The following EPHB1 variants were observed in gnomAD, a reference collection of about 807,000 sequenced individuals.
EPHB1 encodes EPH receptor B1.
A neutral mutation model predicts 94.4 loss-of-function variants in EPHB1; 30 were observed. The observed-to-expected ratio is 0.32, with a 90% CI of 0.24 to 0.43. The LOEUF (loss-of-function observed/expected upper bound fraction) is 0.43, where lower values mean the gene tolerates loss of function less well. Among genes scored for constraint, EPHB1 ranks in the 20% least tolerant of loss-of-function variants. The pLI, the probability that EPHB1 is intolerant of heterozygous loss-of-function variation, is 1.00. For missense variants in EPHB1, 1,055 were observed against 1,308.3 expected, an observed-to-expected ratio of 0.81 and a Z score of 2.99; for synonymous variants, 522 against 489.1, an observed-to-expected ratio of 1.07 and a Z score of -0.89.
intron 11 of EPHB1, among the ~76,000 whole-genome samples, chr3:135,195,257 G>C (rs979594302): frequency 1.3e-5 from 2 of 152,016 alleles, no homozygotes; most frequent in Non-Finnish European, 1.5e-5. Context: ...CAGGGGAACA[G>C]GGAGATTCAT....
intron 12 of EPHB1, among the ~76,000 whole-genome samples, chr3:135,227,393 TCTC>T (rs1292305815): frequency 1.3e-5 from 2 of 152,200 alleles, no homozygotes; most frequent in African/African-American, 2.4e-5. Context: ...TGTGCTTTCT[TCTC>T]CTCTTTACTG....
At chr3:135,097,784 C>A (rs1387149210) in intron 3 of EPHB1, among the ~76,000 whole-genome samples, 4 of 152,212 alleles carry the variant, frequency 2.6e-5, no homozygotes, top group Non-Finnish European at 5.9e-5. Flanking sequence ...GAACTGGAGA[C>A]TCATTTGGCT....
intron 1 of EPHB1, among the ~76,000 whole-genome samples, chr3:134,906,489 G>A (rs756069595): frequency 3.3e-5 from 5 of 152,120 alleles, no homozygotes; most frequent in African/African-American, 7.2e-5. Flanking sequence ...GTGATCAAAC[G>A]TGAAAAGACA....
intron 3 of EPHB1, among the ~76,000 whole-genome samples, chr3:135,083,344 GC>G: frequency 6.6e-6 from 1 of 152,122 alleles, no homozygotes; most frequent in African/African-American, 2.4e-5. Flanking sequence ...CAAGAGGAAG[GC>G]CTGGCTGAGG....
At chr3:134,968,567 C>CT (rs1239191945) in intron 3 of EPHB1, among the ~76,000 whole-genome samples, 2 of 151,818 alleles carry the variant, frequency 1.3e-5, no homozygotes, top group Non-Finnish European at 2.9e-5. Flanking sequence ...TTTGTGACTT[C>CT]TTAATTCTAT....
chr3:135,225,221 G>C (rs1439625160), intron 12 of EPHB1, among the ~76,000 whole-genome samples: 1 of 152,092 alleles, frequency 6.6e-6, no homozygotes, highest in Non-Finnish European at 1.5e-5. Context: ...AGCCCTGAAG[G>C]GCCCAGAAAG....
At chr3:134,938,504 A>G (rs755173331) in intron 2 of EPHB1, among the ~76,000 whole-genome samples, 8 of 152,220 alleles carry the variant, frequency 5.3e-5, no homozygotes, top group Non-Finnish European at 7.3e-5. Context: ...AGGGAGGGCC[A>G]TGGCCAACAC....
chr3:134,899,993 A>G (rs748517108), intron 1 of EPHB1, among the ~76,000 whole-genome samples: 30 of 152,192 alleles, frequency 2.0e-4, no homozygotes, highest in Non-Finnish European at 3.7e-4. Flanking sequence ...TATGGAGGTC[A>G]TTGTGTCTAT....
At chr3:135,149,532 G>T (rs951538066) in intron 5 of EPHB1, among the ~76,000 whole-genome samples, 2 of 152,114 alleles carry the variant, frequency 1.3e-5, no homozygotes, top group African/African-American at 4.8e-5. Context: ...TTTCTGTTTT[G>T]TCCGAAAGTT....
At chr3:134,847,641 C>G (rs1288881253) in intron 1 of EPHB1, among the ~76,000 whole-genome samples, 2 of 152,184 alleles carry the variant, frequency 1.3e-5, no homozygotes, top group African/African-American at 2.4e-5. Flanking sequence ...AAGAAGAAGG[C>G]AGGAAATGGG....
chr3:135,217,988 G>T (rs1270625553), intron 12 of EPHB1, among the ~76,000 whole-genome samples: 2 of 152,054 alleles, frequency 1.3e-5, no homozygotes, highest in Non-Finnish European at 2.9e-5. Flanking sequence ...ATAGCTCCTG[G>T]CAGTATTTAC....
At chr3:134,958,722 C>T (rs913323218) in intron 3 of EPHB1, among the ~76,000 whole-genome samples, 7 of 152,124 alleles carry the variant, frequency 4.6e-5, no homozygotes, top group Non-Finnish European at 8.8e-5. Context: ...CCCTACCCAG[C>T]GACCCCCAGA....
chr3:134,973,014 C>T (rs1341816717), intron 3 of EPHB1, among the ~76,000 whole-genome samples: 1 of 152,200 alleles, frequency 6.6e-6, no homozygotes, highest in African/African-American at 2.4e-5. Context: ...GGTCTGGCTT[C>T]CCTTCTTGCT....
intron 5 of EPHB1, among the ~76,000 whole-genome samples, chr3:135,149,503 C>CA (rs1035022731): frequency 1.3e-5 from 2 of 152,100 alleles, no homozygotes; most frequent in African/African-American, 4.8e-5. Context: ...GAGTGAATAC[C>CA]AGAGCTCATT....
intron 3 of EPHB1, among the ~76,000 whole-genome samples, chr3:134,990,322 C>T (rs1272821617): frequency 2.0e-5 from 3 of 152,162 alleles, no homozygotes; most frequent in Non-Finnish European, 4.4e-5. Context: ...CCAGGCTATG[C>T]CTTTGCCCCT....
At chr3:135,249,245 G>A in intron 14 of EPHB1, 91 bp from the exon 15 acceptor site, 1 of 1,425,362 alleles carries the variant, frequency 7.0e-7, no homozygotes, top group Non-Finnish European at 9.4e-7. Context: ...CAGGGATGCT[G>A]CCTTCCATGA....
At chr3:134,811,242 G>GGTTTTTTTTTTTTTTTTTTTTTT (rs2036168294) in intron 1 of EPHB1, among the ~76,000 whole-genome samples, 5 of 73,846 alleles carry the variant, frequency 6.8e-5, no homozygotes, top group African/African-American at 2.1e-4. Context: ...TACTAAGAAG[G>GGTTTTTTTTTTTTTTTTTTTTTT]TTTTTTTTTT....
At chr3:134,952,157 TG>T in intron 3 of EPHB1, 105 bp downstream of exon 3, 1 of 1,230,402 alleles carries the variant, frequency 8.1e-7, no homozygotes, top group Non-Finnish European at 1.1e-6. Context: ...AATAGTCTAA[TG>T]GCTTATTATA....
At chr3:135,052,981 ATGTG>A (rs1300255342) in intron 3 of EPHB1, among the ~76,000 whole-genome samples, 3 of 109,882 alleles carry the variant, frequency 2.7e-5, no homozygotes, top group African/African-American at 1.2e-4. Flanking sequence ...GTGTATATAT[ATGTG>A]TGTGTATATA....
Sources: gnomAD v4.1 joint callset for allele counts (sites outside exome capture counted in the v4.1 genomes callset) on GRCh38, gnomAD v4.1.1 for gene constraint, MANE v1.5 for transcripts, NCBI Gene and HGNC (gene_info 2026-07-23, HGNC 2026-07-21) for gene names.